The following MEF2A variants were observed in gnomAD, a reference collection of about 807,000 sequenced individuals.
The protein encoded by MEF2A is myocyte-specific enhancer factor 2A.
A neutral mutation model predicts 55.8 loss-of-function variants in MEF2A; 28 were observed. That is an observed-to-expected ratio of 0.50 (90% CI 0.37 to 0.69). MEF2A has a LOEUF of 0.69. Ranked by LOEUF, MEF2A falls within the 30% of genes least tolerant of loss-of-function variation. The probability of loss-of-function intolerance (pLI) is 0.00; values close to 1 mark genes in which losing one functional copy is unlikely to be tolerated. For missense variants in MEF2A, 528 were observed against 626.2 expected, an observed-to-expected ratio of 0.84 and a Z score of 1.67; for synonymous variants, 239 against 227.1, an observed-to-expected ratio of 1.05 and a Z score of -0.47.
chr15:99,630,734 A>G (rs2042818731), intron 2 of MEF2A, among the ~76,000 whole-genome samples: 1 of 152,156 alleles, frequency 6.6e-6, no homozygotes, highest in African/African-American at 2.4e-5. Flanking sequence ...CGAATGAGGG[A>G]TTGAGATGAT....
At chr15:99,602,152 G>C (rs1040914613) in intron 2 of MEF2A, among the ~76,000 whole-genome samples, 1 of 152,166 alleles carries the variant, frequency 6.6e-6, no homozygotes, top group Admixed American at 6.6e-5. Context: ...AAAAGCTTTA[G>C]AGCAGGAATG....
chr15:99,645,793 G>A (rs2045869746), intron 4 of MEF2A, 29 bp downstream of exon 4: 2 of 1,452,388 alleles, frequency 1.4e-6, no homozygotes, highest in Non-Finnish European at 9.4e-7. Flanking sequence ...TACGTGAATT[G>A]CAAGTAATAC....
intron 8 of MEF2A, among the ~76,000 whole-genome samples, chr15:99,695,532 T>C (rs560084625): frequency 6.7e-6 from 1 of 148,690 alleles, no homozygotes; most frequent in South Asian, 2.2e-4. Flanking sequence ...AGTTAAAAGA[T>C]TGTCAGATTT....
chr15:99,693,172 G>A (rs2055817178), intron 8 of MEF2A, among the ~76,000 whole-genome samples: 1 of 152,158 alleles, frequency 6.6e-6, no homozygotes, highest in African/African-American at 2.4e-5. Context: ...TAATAGCTTA[G>A]CAGGAGGGAA....
intron 3 of MEF2A, among the ~76,000 whole-genome samples, chr15:99,638,872 A>G (rs781416752): frequency 1.3e-5 from 2 of 152,142 alleles, no homozygotes; most frequent in Non-Finnish European, 2.9e-5. Flanking sequence ...TATGTGAAAG[A>G]GATTATAGAA....
rs115066883 is a variant in MEF2A, at chr15:99,571,969, A to C, written c.-225+5865A>C. Reference sequence around the variant, plus strand: ...ATTCTCTTGCATGAAGTACTGCAGTAATTTTCTAAGTGGGCTGCTTCTTTT... The same window carrying C: ...ATTCTCTTGCATGAAGTACTGCAGTCATTTTCTAAGTGGGCTGCTTCTTTT... On this transcript the variant is annotated intron_variant, in intron 1 of 11. Transcript: ENST00000557942. Among the ~76,000 whole-genome samples, 1,009 of 150,620 alleles carry C rather than the reference A, an allele frequency of 6.7e-3. 11 individuals carry two copies. Among genetic ancestry groups the C allele is most frequent in the African/African-American group, 0.023 (959 of 41,000 alleles).
At chr15:99,566,704 A>G (rs1238236952) in intron 1 of MEF2A, 1 of 152,324 alleles carries the variant, frequency 6.6e-6, no homozygotes, top group Non-Finnish European at 1.5e-5. Context: ...GTTGGACTTG[A>G]AGAAGTTCCC....
At chr15:99,644,420 T>C (rs187689775) in intron 3 of MEF2A, among the ~76,000 whole-genome samples, 2 of 152,376 alleles carry the variant, frequency 1.3e-5, no homozygotes, top group Non-Finnish European at 2.9e-5. Flanking sequence ...TGCTTTTACA[T>C]GTACGTATTG....
intron 1 of MEF2A, among the ~76,000 whole-genome samples, chr15:99,575,726 A>C (rs555852373): frequency 6.6e-6 from 1 of 152,334 alleles, no homozygotes; most frequent in South Asian, 2.1e-4. Context: ...ATCACTTACT[A>C]CACAGAATTG....
chr15:99,661,398 C>T (rs1016032286), intron 4 of MEF2A, among the ~76,000 whole-genome samples: 1 of 144,082 alleles, frequency 6.9e-6, no homozygotes, highest in Non-Finnish European at 1.5e-5. Context: ...AAGAACTCTG[C>T]ATCCAAAGAT....
rs976126014 is a variant in MEF2A at position 99,615,311 on chromosome 15, T to C, written c.-143+16800T>C. 3.9e-5 allele frequency among the ~76,000 whole-genome samples: 6 copies of C among 152,236 alleles called. No homozygotes were observed. The South Asian group carries it at 6.2e-4, about 16-fold the overall frequency. On this transcript the variant is annotated intron_variant, in intron 2 of 11. Coordinates refer to ENST00000557942, the MANE Select transcript of MEF2A (RefSeq NM_001319206.4). ...CTGAGTTTCTGGTATTTGTCTTTTA[T>C]GCAGACTTAACAGCAACTTGAGTGC... is the stretch of plus-strand genomic sequence containing the variant.
intron 1 of MEF2A, among the ~76,000 whole-genome samples, chr15:99,579,535 C>T (rs1393326994): frequency 2.6e-5 from 4 of 152,098 alleles, no homozygotes; most frequent in Non-Finnish European, 5.9e-5. Context: ...GCTGGGATTA[C>T]AGGCACGTGC....
chr15:99,595,185 T>G (rs1173175778), intron 1 of MEF2A, among the ~76,000 whole-genome samples: 1 of 152,188 alleles, frequency 6.6e-6, no homozygotes, highest in East Asian at 1.9e-4. Context: ...GGGGTAATAA[T>G]GAGGTTGTTG....
At position 99,641,646 on chromosome 15, in the gene MEF2A, T is replaced by C. The variant is rs540585435; in HGVS notation, c.55-3915T>C. Reference sequence around the variant, plus strand: ...GCTGAGGCAGGAGAACGGCATGAACTCGGGAGGCGGAGCTTGCAGTGAGTC... The same window carrying C: ...GCTGAGGCAGGAGAACGGCATGAACCCGGGAGGCGGAGCTTGCAGTGAGTC... On this transcript the variant is annotated intron_variant, in intron 3 of 11. Coordinates refer to ENST00000557942, the MANE Select transcript of MEF2A (RefSeq NM_001319206.4). Among the ~76,000 whole-genome samples, 986 of 152,012 alleles carry C rather than the reference T, an allele frequency of 6.5e-3. 8 individuals carry two copies. The highest frequency in any genetic ancestry group is 0.023 in the African/African-American group (939 of 41,424).
chr15:99,688,419 C>T (rs763719383), intron 7 of MEF2A, among the ~76,000 whole-genome samples: 4 of 152,186 alleles, frequency 2.6e-5, no homozygotes, highest in Non-Finnish European at 4.4e-5. Flanking sequence ...CTTTTTGTAT[C>T]AGCTTTTTCC....
chr15:99,699,505 A>C (rs2057041690), intron 8 of MEF2A, among the ~76,000 whole-genome samples: 1 of 152,104 alleles, frequency 6.6e-6, no homozygotes, highest in African/African-American at 2.4e-5. Flanking sequence ...GAAACTCATG[A>C]AACTGTACCT....
chr15:99,592,782 G>A (rs1969785172), intron 1 of MEF2A, among the ~76,000 whole-genome samples: 1 of 152,120 alleles, frequency 6.6e-6, no homozygotes, highest in African/African-American at 2.4e-5. Flanking sequence ...AGGGCACCAA[G>A]TCGTTCATGA....
At chr15:99,593,534 G>A (rs751984851) in intron 1 of MEF2A, among the ~76,000 whole-genome samples, 17 of 152,094 alleles carry the variant, frequency 1.1e-4, no homozygotes, top group Non-Finnish European at 1.5e-4. Flanking sequence ...AAAAATACCC[G>A]TTGCAACTAA....
intron 6 of MEF2A, 27 bp from the exon 7 acceptor site, chr15:99,675,370 CCT>C (rs772344918): frequency 1.3e-6 from 2 of 1,592,340 alleles, no homozygotes; most frequent in South Asian, 2.2e-5. Flanking sequence ...CATTCTCTGC[CCT>C]CTGTCTTCTC....
Sources: gnomAD v4.1 joint callset for allele counts (sites outside exome capture counted in the v4.1 genomes callset) on GRCh38, gnomAD v4.1.1 for gene constraint, MANE v1.5 for transcripts, NCBI Gene and HGNC (gene_info 2026-07-23, HGNC 2026-07-21) for gene names.